Variants in MED16 observed in about 807,000 individuals in gnomAD.
The protein encoded by MED16 is mediator of RNA polymerase II transcription subunit 16.
MED16 carries 81 observed loss-of-function variants against 84.4 expected under a neutral mutation model. The ratio of observed to expected loss-of-function variants is 0.96; its 90% CI spans 0.80 to 1.15. MED16 has a LOEUF of 1.15. MED16 is among the 50% of genes most tolerant of loss of function. MED16 has a pLI of 0.00. For missense variants in MED16, 1,585 were observed against 1,245.9 expected (o/e 1.27, Z -4.10); for synonymous variants, 897 against 552.2 (o/e 1.62, Z -8.76).
chr19:885,217 G>A (rs1321512223), intron 5 of MED16, among the ~76,000 whole-genome samples: 3 of 152,160 alleles, frequency 2.0e-5, no homozygotes, highest in African/African-American at 7.2e-5. Flanking sequence ...CCCGGATGGT[G>A]CCCTCCCACA....
rs201576382 is a variant in MED16, at chr19:883,506, TGGG to T, written c.985+1394_985+1396del. Among the ~76,000 whole-genome samples, 549 of 121,966 alleles carry T rather than the reference TGGG, an allele frequency of 4.5e-3. 9 individuals are homozygous for T. Among genetic ancestry groups the T allele is most frequent in the African/African-American group, 0.016 (504 of 31,324 alleles). 80.0% of individuals were successfully genotyped at this position (121,966 alleles called of 152,430 possible). ...GCACGTGGGGCGGTAGGGGGAGAGA[TGGG>T]GGAGAGATGGGTGCGGTGGGGACTG... On this transcript the variant is annotated intron_variant, in intron 6 of 15. Transcript: ENST00000325464.
At chr19:892,176 G>A (rs1488455838) in intron 1 of MED16, among the ~76,000 whole-genome samples, 1 of 152,048 alleles carries the variant, frequency 6.6e-6, no homozygotes, top group Non-Finnish European at 1.5e-5. Context: ...AGGGAGCCTG[G>A]AATCACCCGC....
chr19:889,816 A>C lies in MED16; in HGVS notation c.278-9T>G, dbSNP rs2036597514. On this transcript the variant is annotated splice_polypyrimidine_tract_variant and intron_variant, in intron 3 of 15. Coordinates refer to ENST00000325464, the MANE Select transcript of MED16 (RefSeq NM_005481.3). ...TGACAGGAGCCGGGAGCCTGAGGGC[A>C]AGAAGCCATCATTGCGAACCTTCCA... 3.7e-6 allele frequency: 6 copies of C among 1,606,840 alleles called. No homozygotes were observed. Among genetic ancestry groups the C allele is most frequent in the Non-Finnish European group, 5.1e-6 (6 of 1,177,570 alleles).
At chr19:869,745 C>T (rs2036002274) in intron 13 of MED16, among the ~76,000 whole-genome samples, 1 of 152,202 alleles carries the variant, frequency 6.6e-6, no homozygotes, top group African/African-American at 2.4e-5. Flanking sequence ...TCATTTTCTT[C>T]CTTTTGCTCA....
chr19:885,157 C>G lies in MED16; in HGVS notation c.880-149G>C, dbSNP rs891467281. On this transcript the variant is annotated intron_variant, in intron 5 of 15. Transcript: ENST00000325464. ...CCCCTCGGGCCCTCCTGGATTCCAG[C>G]CCAGGCCTGTCCCCAGAGCCCAACA... 1.6e-5 allele frequency: 10 copies of G among 621,596 alleles called. No homozygotes were observed. The African/African-American group carries it at 1.8e-4, about 11-fold the overall frequency. 38.5% of individuals were successfully genotyped at this position (621,596 alleles called of 1,614,324 possible). A position where few individuals can be genotyped will look rare whatever the true frequency, so the allele number is the denominator to read the frequency against.
intron 9 of MED16, 118 bp downstream of exon 9, chr19:876,856 G>T: frequency 1.1e-6 from 1 of 874,058 alleles, no homozygotes; most frequent in South Asian, 2.1e-5. Flanking sequence ...AGCCCCACCT[G>T]GCACGGGACC....
chr19:888,567 G>A (rs1041426344), intron 4 of MED16, among the ~76,000 whole-genome samples: 1 of 152,010 alleles, frequency 6.6e-6, no homozygotes, highest in Non-Finnish European at 1.5e-5. Flanking sequence ...GGTTAGCTAT[G>A]GTGGTGGCCG....
intron 1 of MED16, 163 bp downstream of exon 1, chr19:892,923 C>T (rs868817776): frequency 8.4e-5 from 8 of 95,356 alleles, no homozygotes; most frequent in Admixed American, 7.9e-4. Context: ...CCGCGCCCCG[C>T]GCCCCGCGCC....
intron 12 of MED16, 47 bp from the exon 13 acceptor site, chr19:871,300 C>G (rs923162722): frequency 6.7e-7 from 1 of 1,494,326 alleles, no homozygotes; most frequent in Non-Finnish European, 9.0e-7. Flanking sequence ...ACTGGGGCAC[C>G]GCCCGGCCAC....
In MED16 at chr19:880,082, G is replaced by A. The variant is rs1459180762; in HGVS notation, c.1208C>T (p.Ala403Val). The stretch of plus-strand genomic sequence containing the variant: ...CGGGGCCGCGGAGCTGTAGAAGACG[G>A]CCATGGTCTGCAGTGAGAGCCGGTG... Reference protein sequence around the residue: ...IVHRLSLQTMAVFYSSAAPRP... With the variant: ...IVHRLSLQTMVVFYSSAAPRP... The change falls in exon 8 of 16, where the codon GCC becomes GTC. Residue 403 changes from alanine (A) to valine (V), a missense_variant. Ala to Val is a moderately conservative substitution (Grantham distance 64). Coordinates refer to ENST00000325464, the MANE Select transcript of MED16 (RefSeq NM_005481.3). The A allele has an allele frequency of 6.2e-7, 1 of 1,610,826 alleles. No homozygotes were observed. Among genetic ancestry groups the A allele is most frequent in the Non-Finnish European group, 8.5e-7 (1 of 1,179,390 alleles).
In MED16 at chr19:875,992, C is replaced by G. The variant is rs572634946; in HGVS notation, c.1561-538G>C. Among the ~76,000 whole-genome samples the G allele has an allele frequency of 2.0e-5, 3 of 152,332 alleles. No individual in the cohort carries two copies. The East Asian group carries it at 5.8e-4, about 29-fold the overall frequency. On this transcript the variant is annotated intron_variant, in intron 9 of 15. Transcript: ENST00000325464. Reference sequence around the variant, plus strand: ...AAACAAAAATGAAACGCTTGGCACACAGCGACGGCCCAAGGAGGGAGAGGG... The same window carrying G: ...AAACAAAAATGAAACGCTTGGCACAGAGCGACGGCCCAAGGAGGGAGAGGG...
At chr19:880,184 G>T in intron 7 of MED16, 36 bp from the exon 8 acceptor site, 1 of 1,565,052 alleles carries the variant, frequency 6.4e-7, no homozygotes, top group Non-Finnish European at 8.6e-7. Flanking sequence ...CATGGGCAGG[G>T]CCCAGGACAC....
intron 10 of MED16, among the ~76,000 whole-genome samples, chr19:874,174 GGTGA>G (rs2036172727): frequency 6.6e-6 from 1 of 151,798 alleles, no homozygotes; most frequent in African/African-American, 2.4e-5. Context: ...AGTGCAGTGG[GGTGA>G]TCTCAGCTCA....
chr19:873,344 G>T (rs1436563809), intron 11 of MED16, 105 bp downstream of exon 11: 6 of 931,628 alleles, frequency 6.4e-6, no homozygotes, highest in Non-Finnish European at 9.2e-6. Context: ...ACTCCAACTA[G>T]GGGCGGGGCT....
intron 12 of MED16, 55 bp from the exon 13 acceptor site, chr19:871,308 C>T (rs1568318647): frequency 2.7e-6 from 4 of 1,480,824 alleles, no homozygotes; most frequent in Non-Finnish European, 3.6e-6. Flanking sequence ...ACCGCCCGGC[C>T]ACCCGGGACG....
At chr19:886,790 T>C (rs1484582976) in intron 4 of MED16, among the ~76,000 whole-genome samples, 1 of 152,176 alleles carries the variant, frequency 6.6e-6, no homozygotes, top group African/African-American at 2.4e-5. Flanking sequence ...AAAGATGGGG[T>C]CTTGGCTGCG....
intron 1 of MED16, among the ~76,000 whole-genome samples, 157 bp from the exon 2 acceptor site, chr19:891,306 G>C (rs937364502): frequency 1.3e-5 from 2 of 152,212 alleles, no homozygotes; most frequent in African/African-American, 4.8e-5. Flanking sequence ...CTGGGGCCGA[G>C]GGGGAACATG....
intron 14 of MED16, 145 bp from the exon 15 acceptor site, chr19:868,644 GC>G: frequency 3.3e-6 from 4 of 1,220,186 alleles, no homozygotes; most frequent in Non-Finnish European, 4.5e-6. Context: ...CAGGGCCTCT[GC>G]CCATGCTTCT....
intron 5 of MED16, 27 bp from the exon 6 acceptor site, chr19:885,035 G>T: frequency 6.5e-7 from 1 of 1,544,612 alleles, no homozygotes; most frequent in Non-Finnish European, 8.8e-7. Context: ...GGTGAGGGCT[G>T]ACCCGGCACT....
Sources: gnomAD v4.1 joint callset for allele counts (sites outside exome capture counted in the v4.1 genomes callset) on GRCh38, gnomAD v4.1.1 for gene constraint, MANE v1.5 for transcripts, NCBI Gene and HGNC (gene_info 2026-07-23, HGNC 2026-07-21) for gene names.